Variants in PHACTR2 observed in about 807,000 individuals in gnomAD.
PHACTR2 encodes the protein phosphatase and actin regulator 2, also known as chromosome 6 open reading frame 56.
PHACTR2 carries 30 observed loss-of-function variants against 76.0 expected under a neutral mutation model. The observed-to-expected ratio is 0.39, with a 90% CI of 0.30 to 0.54. The LOEUF is 0.54. Among genes scored for constraint, PHACTR2 ranks in the 20% least tolerant of loss-of-function variants. PHACTR2 has a pLI of 0.61. For synonymous variants in PHACTR2, 292 were observed against 292.5 expected (o/e 1.00, Z 0.02); for missense variants, 696 against 781.1 (o/e 0.89, Z 1.30).
At position 143,754,231 on chromosome 6, in the gene PHACTR2, T is replaced by G. The variant is rs1463222667; in HGVS notation, c.454+319T>G. The G allele has an allele frequency of 5.7e-6, 1 of 175,408 alleles. No individual in the cohort carries two copies. Among genetic ancestry groups the G allele is most frequent in the Non-Finnish European group, 1.2e-5 (1 of 82,636 alleles). The allele number at this position is 175,408 out of a possible 1,614,324, so 10.9% of individuals were successfully genotyped here. On this transcript the variant is annotated intron_variant, in intron 4 of 12. Coordinates refer to ENST00000440869, the MANE Select transcript of PHACTR2 (RefSeq NM_001100164.2). This position sits in a 1 kb window ranked among gnomAD's most constrained non-coding sequence, Gnocchi z 6.2. Reference sequence around the variant, plus strand: ...CTTTCTTAGGAGCTTTGTCTCAGGATCATAATGAAAGTGAGAAATCTGAAC... The same window carrying G: ...CTTTCTTAGGAGCTTTGTCTCAGGAGCATAATGAAAGTGAGAAATCTGAAC...
rs1221486173 is a variant in PHACTR2, at chr6:143,624,943, G to A, written c.13+16621G>A. Among the ~76,000 whole-genome samples, 1 of 152,070 alleles carries A rather than the reference G, an allele frequency of 6.6e-6. No homozygotes were observed. The highest frequency in any genetic ancestry group is 1.5e-5 in the Non-Finnish European group (1 of 68,010). ...GGCCGAGGCGGGCGGATCATTTGAG[G>A]TCAGGAGTACAAGACCAGCCTGGTC... is the stretch of plus-strand genomic sequence containing the variant. On this transcript the variant is annotated intron_variant, in intron 1 of 11. Coordinates refer to the PHACTR2 transcript ENST00000305766. The surrounding 1 kb of genome is among the most constrained non-coding windows in gnomAD (Gnocchi z 4.6).
At chr6:143,674,080 A>G (rs1777201697), upstream of PHACTR2, among the ~76,000 whole-genome samples, 1 of 152,190 alleles carries the variant, frequency 6.6e-6, no homozygotes, top group Non-Finnish European at 1.5e-5. The surrounding 1 kb of genome is among the most constrained non-coding windows in gnomAD (Gnocchi z 4.9). Context: ...ATCCTGTTCA[A>G]ACCAGCATCT....
At position 143,755,618 on chromosome 6, in the gene PHACTR2, A is replaced by G; in HGVS notation, c.454+1706A>G. ...ACATTCAATTCTTCCTTATCTGATA[A>G]GGTCCAAGAGAGCCTGTTGCTTGGC... is the stretch of plus-strand genomic sequence containing the variant. On this transcript the variant is annotated intron_variant, in intron 4 of 12. Transcript: ENST00000440869. The surrounding 1 kb of genome is among the most constrained non-coding windows in gnomAD (Gnocchi z 5.2). 1 of 254,482 alleles carries G rather than the reference A, an allele frequency of 3.9e-6. No homozygotes were observed. Among genetic ancestry groups the G allele is most frequent in the South Asian group, 4.4e-5 (1 of 22,894 alleles). The allele number at this position is 254,482 out of a possible 1,614,324, so 15.8% of individuals were successfully genotyped here.
At chr6:143,635,500 T>C (rs1776436514) in intron 1 of PHACTR2, among the ~76,000 whole-genome samples, 1 of 152,246 alleles carries the variant, frequency 6.6e-6, no homozygotes, top group Non-Finnish European at 1.5e-5. Flanking sequence ...GTTTTCCTTC[T>C]AAATGTTTCT....
At chr6:143,798,613 C>A (rs940307544) in intron 11 of PHACTR2, among the ~76,000 whole-genome samples, 1 of 152,128 alleles carries the variant, frequency 6.6e-6, no homozygotes, top group African/African-American at 2.4e-5. Context: ...TGAATTTTGT[C>A]CAAGGCCTTT....
Position 143,700,042 on chromosome 6 carries a change from G to A in PHACTR2, c.47-11974G>A, listed in dbSNP as rs1039299730. ...CGGTCTCTCCACAGATACCGGCCTT[G>A]GGGACCCTGTATGACTGCCAGGAGG... On this transcript the variant is annotated intron_variant, in intron 1 of 12. Coordinates refer to ENST00000440869, the MANE Select transcript of PHACTR2 (RefSeq NM_001100164.2). This position sits in a 1 kb window ranked among gnomAD's most constrained non-coding sequence, Gnocchi z 4.1. Among the ~76,000 whole-genome samples the A allele has an allele frequency of 1.3e-5, 2 of 152,178 alleles. No homozygotes were observed. The highest frequency in any genetic ancestry group is 2.9e-5 in the Non-Finnish European group (2 of 68,026).
intron 1 of PHACTR2, among the ~76,000 whole-genome samples, chr6:143,630,897 C>T (rs1222221943): frequency 6.6e-6 from 1 of 152,206 alleles, no homozygotes; most frequent in African/African-American, 2.4e-5. Flanking sequence ...AAAAGTCATT[C>T]CTAGGTCTTC....
chr6:143,725,990 C>T (rs1198034611), intron 2 of PHACTR2, among the ~76,000 whole-genome samples: 1 of 152,168 alleles, frequency 6.6e-6, no homozygotes, highest in African/African-American at 2.4e-5. Flanking sequence ...AGATGTACCA[C>T]AGTTTATCCA....
At chr6:143,604,096 CAA>C (rs5880568), upstream of PHACTR2, among the ~76,000 whole-genome samples, 1,640 of 110,302 alleles carry the variant, frequency 0.015, 17 homozygotes, top group African/African-American at 0.045. Flanking sequence ...GACTCTGATT[CAA>C]AAAAAAAAAA....
At chr6:143,635,110 A>G (rs1221112236) in intron 1 of PHACTR2, among the ~76,000 whole-genome samples, 1 of 152,218 alleles carries the variant, frequency 6.6e-6, no homozygotes, top group African/African-American at 2.4e-5. Flanking sequence ...TGCAGATGGC[A>G]TGTGTTACTT....
chr6:143,765,813 A>G lies in PHACTR2; in HGVS notation c.1232+15A>G. ...AATGCAAAATGGTGAGTTGGGGAAC[A>G]AACCCCCTATTTTATCTGAGAACTA... On this transcript the variant is annotated intron_variant, in intron 6 of 12. Transcript: ENST00000440869. The surrounding 1 kb of genome is among the most constrained non-coding windows in gnomAD (Gnocchi z 4.1). 1 of 1,589,518 alleles carries G rather than the reference A, an allele frequency of 6.3e-7. No homozygotes were observed. Among genetic ancestry groups the G allele is most frequent in the Non-Finnish European group, 8.6e-7 (1 of 1,161,918 alleles).
intron 2 of PHACTR2, among the ~76,000 whole-genome samples, chr6:143,726,193 GT>G (rs1456742176): frequency 6.6e-6 from 1 of 152,188 alleles, no homozygotes; most frequent in African/African-American, 2.4e-5. Flanking sequence ...GTTTTCCAGA[GT>G]TTTGCATTCC....
rs1015952986 is a variant in PHACTR2, at chr6:143,738,267, C to G, written c.215-10718C>G. Among the ~76,000 whole-genome samples, 1 of 152,126 alleles carries G rather than the reference C, an allele frequency of 6.6e-6. No homozygotes were observed. The highest frequency in any genetic ancestry group is 6.5e-5 in the Admixed American group (1 of 15,270). On this transcript the variant is annotated intron_variant, in intron 2 of 12. Coordinates refer to ENST00000440869, the MANE Select transcript of PHACTR2 (RefSeq NM_001100164.2). This position sits in a 1 kb window ranked among gnomAD's most constrained non-coding sequence, Gnocchi z 4.0. ...TCAGGAGGCTGAGGCAGGAGAATCG[C>G]TTGACCCGGGAGGCAGAGGTTGCAG...
At position 143,611,337 on chromosome 6, in the gene PHACTR2, T is replaced by C. The variant is rs1021949727; in HGVS notation, c.13+3015T>C. ...TCAGTGGTTCAAAGCCTTTTGACAA[T>C]TGATGTACATTCATTGAGTTTGAGA... On this transcript the variant is annotated intron_variant, in intron 1 of 11. Transcript: ENST00000305766. The surrounding 1 kb of genome is among the most constrained non-coding windows in gnomAD (Gnocchi z 4.4). Among the ~76,000 whole-genome samples, 5 of 152,134 alleles carry C rather than the reference T, an allele frequency of 3.3e-5. No homozygotes were observed. The highest frequency in any genetic ancestry group is 4.4e-5 in the Non-Finnish European group (3 of 68,028).
At position 143,702,574 on chromosome 6, in the gene PHACTR2, G is replaced by C. The variant is rs191679115; in HGVS notation, c.47-9442G>C. Among the ~76,000 whole-genome samples, 6 of 152,200 alleles carry C rather than the reference G, an allele frequency of 3.9e-5. No individual in the cohort carries two copies. The East Asian group carries it at 1.2e-3, about 29-fold the overall frequency. ...ACCTAGACTCTTATCTCTTTCACTA[G>C]TTAACAATTTGGGAAGCCAGATAGC... is the stretch of plus-strand genomic sequence containing the variant. On this transcript the variant is annotated intron_variant, in intron 1 of 12. Transcript: ENST00000440869.
intron 6 of PHACTR2, among the ~76,000 whole-genome samples, chr6:143,771,407 T>G (rs1775137983): frequency 6.7e-6 from 1 of 148,606 alleles, no homozygotes; most frequent in Non-Finnish European, 1.5e-5. Context: ...TTTATTATTT[T>G]ATTTTATTTT....
chr6:143,635,273 A>G (rs1160705689), intron 1 of PHACTR2, among the ~76,000 whole-genome samples: 1 of 152,018 alleles, frequency 6.6e-6, no homozygotes, highest in East Asian at 1.9e-4. Context: ...ATTTGCATGT[A>G]CTCAAATGCA....
Position 143,775,421 on chromosome 6 carries a change from C to T in PHACTR2, c.1589+1206C>T, listed in dbSNP as rs377353704. Among the ~76,000 whole-genome samples the T allele has an allele frequency of 3.9e-5, 6 of 152,246 alleles. No homozygotes were observed. Among genetic ancestry groups the T allele is most frequent in the African/African-American group, 9.6e-5 (4 of 41,532 alleles). The stretch of plus-strand genomic sequence containing the variant: ...AGCCAGCAGAAGCAAGAGGGACTAA[C>T]GTGATTAATGGTATCGAGCTGGAAA... On this transcript the variant is annotated intron_variant, in intron 8 of 12. Transcript: ENST00000440869. The surrounding 1 kb of genome is among the most constrained non-coding windows in gnomAD (Gnocchi z 4.4).
intron 1 of PHACTR2, among the ~76,000 whole-genome samples, chr6:143,642,788 A>T (rs1457248760): frequency 1.3e-5 from 2 of 152,204 alleles, no homozygotes; most frequent in Non-Finnish European, 2.9e-5. Flanking sequence ...AAACCATCAG[A>T]AACTAGGAGA....
Sources: gnomAD v4.1 joint callset for allele counts (sites outside exome capture counted in the v4.1 genomes callset) on GRCh38, gnomAD v4.1.1 for gene constraint, Gnocchi (gnomAD v3.1) non-coding constraint, MANE v1.5 for transcripts, NCBI Gene and HGNC (gene_info 2026-07-23, HGNC 2026-07-21) for gene names.